The following TULP4 variants were observed in gnomAD, a reference collection of about 807,000 sequenced individuals.
TULP4 encodes the protein TUB like protein 4, also known as tubby-related protein 4.
TULP4 carries 16 observed loss-of-function variants against 129.0 expected under a neutral mutation model. That is an observed-to-expected ratio of 0.12 (90% CI 0.08 to 0.19). The LOEUF is 0.19. Among genes scored for constraint, TULP4 ranks in the 10% least tolerant of loss-of-function variants. The probability of loss-of-function intolerance (pLI) is 1.00; values close to 1 mark genes in which losing one functional copy is unlikely to be tolerated. For synonymous variants in TULP4, 998 were observed against 854.0 expected (o/e 1.17, Z -2.94); for missense variants, 1,842 against 2,059.1 (o/e 0.89, Z 2.04).
chr6:158,493,729 C>T lies in TULP4; in HGVS notation c.1776+12C>T. On this transcript the variant is annotated intron_variant, in intron 10 of 13. Coordinates refer to ENST00000367097, the MANE Select transcript of TULP4 (RefSeq NM_020245.5). The surrounding 1 kb of genome is among the most constrained non-coding windows in gnomAD (Gnocchi z 4.4). ...AAGACATCACTCAGGTAGGAGCCCCCAGTTACCCTGCCTTGCTCCCCTCCT... is the reference window on the plus strand; with the variant it reads ...AAGACATCACTCAGGTAGGAGCCCCTAGTTACCCTGCCTTGCTCCCCTCCT... 1 of 1,538,322 alleles carries T rather than the reference C, an allele frequency of 6.5e-7. No individual in the cohort carries two copies. The highest frequency in any genetic ancestry group is 8.8e-7 in the Non-Finnish European group (1 of 1,142,524).
At chr6:158,268,866 T>C (rs1238628804) in intron 1 of TULP4, among the ~76,000 whole-genome samples, 1 of 152,248 alleles carries the variant, frequency 6.6e-6, no homozygotes, top group Non-Finnish European at 1.5e-5. Context: ...AGAATGATAC[T>C]GAATAGCACT....
At chr6:158,334,939 A>C (rs927111676) in intron 1 of TULP4, among the ~76,000 whole-genome samples, 1 of 152,142 alleles carries the variant, frequency 6.6e-6, no homozygotes, top group Middle Eastern at 3.2e-3. Context: ...CTCTGCTGAC[A>C]CCTTGATCTT....
intron 1 of TULP4, among the ~76,000 whole-genome samples, chr6:158,412,471 C>G (rs1449623420): frequency 6.6e-6 from 1 of 152,134 alleles, no homozygotes; most frequent in Non-Finnish European, 1.5e-5. Context: ...AAACAAAGTT[C>G]TTATACTCAG....
chr6:158,238,236 G>A lies in TULP4; in HGVS notation n.68+5933G>A, dbSNP rs1023297002. On this transcript the variant is annotated intron_variant and non_coding_transcript_variant, in intron 1 of 1. Coordinates refer to the TULP4 transcript ENST00000620026. ...ATTTCAATTGCATTTTCTTGATGCT[G>A]ATCTGAAAATTCCTGAAGCAGCTCT... is the stretch of plus-strand genomic sequence containing the variant. The A allele has an allele frequency of 3.0e-6, 3 of 987,684 alleles. No individual in the cohort carries two copies. In the African/African-American group the frequency reaches 5.0e-5, roughly 16 times the overall value. The allele number at this position is 987,684 out of a possible 1,614,324, so 61.2% of individuals were successfully genotyped here. A position where few individuals can be genotyped will look rare whatever the true frequency, so the allele number is the denominator to read the frequency against.
intron 1 of TULP4, among the ~76,000 whole-genome samples, chr6:158,329,475 A>G (rs1355291690): frequency 1.3e-5 from 2 of 151,530 alleles, no homozygotes; most frequent in African/African-American, 4.8e-5. Context: ...TAAAAAAAAA[A>G]AAGAAGAATA....
intron 1 of TULP4, among the ~76,000 whole-genome samples, chr6:158,273,219 T>C (rs529683118): frequency 1.3e-5 from 2 of 152,364 alleles, no homozygotes; most frequent in South Asian, 4.1e-4. Context: ...ATCCAATGTC[T>C]TCATTGAACT....
At chr6:158,418,305 A>G (rs1778259995) in intron 2 of TULP4, among the ~76,000 whole-genome samples, 1 of 150,626 alleles carries the variant, frequency 6.6e-6, no homozygotes, top group African/African-American at 2.4e-5. Flanking sequence ...ACAGGGTTTC[A>G]CCATGTTGCC....
rs775210514 is a variant in TULP4 at position 158,493,731 on chromosome 6, G to C, written c.1776+14G>C. On this transcript the variant is annotated intron_variant, in intron 10 of 13. Coordinates refer to ENST00000367097, the MANE Select transcript of TULP4 (RefSeq NM_020245.5). The surrounding 1 kb of genome is among the most constrained non-coding windows in gnomAD (Gnocchi z 4.4). ...GACATCACTCAGGTAGGAGCCCCCA[G>C]TTACCCTGCCTTGCTCCCCTCCTCC... 1 of 1,536,812 alleles carries C rather than the reference G, an allele frequency of 6.5e-7. No individual in the cohort carries two copies. Among genetic ancestry groups the C allele is most frequent in the Non-Finnish European group, 8.8e-7 (1 of 1,141,442 alleles).
At chr6:158,341,792 C>T (rs539810029) in intron 1 of TULP4, among the ~76,000 whole-genome samples, 11 of 151,984 alleles carry the variant, frequency 7.2e-5, no homozygotes, top group Admixed American at 6.5e-4. Context: ...GTTTGAATTT[C>T]TTATATATTC....
chr6:158,458,207 A>C lies in TULP4; in HGVS notation c.860-3356A>C, dbSNP rs1484099680. Reference sequence around the variant, plus strand: ...TGCCTCTTTTTGACCCAGTAATACCACACAAAGGGCTTCTTGTTAATACAA... The same window carrying C: ...TGCCTCTTTTTGACCCAGTAATACCCCACAAAGGGCTTCTTGTTAATACAA... On this transcript the variant is annotated intron_variant, in intron 5 of 13. Transcript: ENST00000367097. 2.0e-5 allele frequency among the ~76,000 whole-genome samples: 3 copies of C among 152,206 alleles called. No individual in the cohort carries two copies. In the East Asian group the frequency reaches 5.8e-4, roughly 29 times the overall value.
intron 3 of TULP4, among the ~76,000 whole-genome samples, chr6:158,430,813 T>C (rs187079469): frequency 2.4e-4 from 37 of 152,332 alleles, no homozygotes; most frequent in Non-Finnish European, 4.4e-4. Context: ...ACTTGTGTTT[T>C]CCATGTATAG....
chr6:158,398,435 G>C (rs1480366108), intron 1 of TULP4: 1 of 152,196 alleles, frequency 6.6e-6, no homozygotes, highest in African/African-American at 2.4e-5. Flanking sequence ...GTGATCTCTG[G>C]AGTAAGCTCC....
chr6:158,377,554 A>G (rs1373922426), intron 1 of TULP4, among the ~76,000 whole-genome samples: 1 of 152,202 alleles, frequency 6.6e-6, no homozygotes, highest in African/African-American at 2.4e-5. Context: ...TCACTTGACA[A>G]TTATTTAACA....
intron 4 of TULP4, among the ~76,000 whole-genome samples, chr6:158,450,866 C>T (rs1053104494): frequency 2.6e-5 from 4 of 151,928 alleles, no homozygotes; most frequent in African/African-American, 9.7e-5. Context: ...ACCATCCTGG[C>T]TAACACGCTG....
intron 1 of TULP4, among the ~76,000 whole-genome samples, chr6:158,394,207 G>GCTCCATTTCCCAGTAAGTTCTTCAT: frequency 6.6e-6 from 1 of 152,280 alleles, no homozygotes; most frequent in African/African-American, 2.4e-5. Flanking sequence ...AGTTACCTTT[G>GCTCCATTTCCCAGTAAGTTCTTCAT]CTCCATTTCC....
chr6:158,253,344 C>T (rs1026057435), intron 1 of TULP4, among the ~76,000 whole-genome samples: 9 of 152,160 alleles, frequency 5.9e-5, no homozygotes, highest in Admixed American at 3.9e-4. Flanking sequence ...TGAATAAACA[C>T]GTGTCTTACT....
At chr6:158,330,076 A>G (rs1583754813) in intron 1 of TULP4, among the ~76,000 whole-genome samples, 1 of 152,222 alleles carries the variant, frequency 6.6e-6, no homozygotes, top group Admixed American at 6.5e-5. Context: ...CTTTAACTCA[A>G]TATATCTAAA....
At chr6:158,479,712 C>G (rs753807039) in intron 6 of TULP4, 39 bp from the exon 7 acceptor site, 5 of 1,591,282 alleles carry the variant, frequency 3.1e-6, no homozygotes, top group Non-Finnish European at 4.3e-6. Context: ...CCCACAAGAG[C>G]AAAAGCTTAA....
intron 1 of TULP4, among the ~76,000 whole-genome samples, chr6:158,276,956 T>C (rs1361891092): frequency 1.3e-5 from 2 of 152,114 alleles, no homozygotes; most frequent in African/African-American, 4.8e-5. Flanking sequence ...TTTTCTTTTT[T>C]GAGATAGGGT....
Sources: gnomAD v4.1 joint callset for allele counts (sites outside exome capture counted in the v4.1 genomes callset) on GRCh38, gnomAD v4.1.1 for gene constraint, Gnocchi (gnomAD v3.1) non-coding constraint, MANE v1.5 for transcripts, NCBI Gene and HGNC (gene_info 2026-07-23, HGNC 2026-07-21) for gene names.